Variants in GLIS3 observed in about 807,000 individuals in gnomAD.
The protein encoded by GLIS3 is zinc finger protein GLIS3.
A neutral mutation model predicts 78.6 loss-of-function variants in GLIS3; 53 were observed. The observed-to-expected ratio is 0.67, with a 90% CI of 0.54 to 0.85. The LOEUF (loss-of-function observed/expected upper bound fraction) is 0.85, where lower values mean the gene tolerates loss of function less well. GLIS3 is among the 40% of genes least tolerant of loss of function. The probability of loss-of-function intolerance (pLI) is 0.00; values close to 1 mark genes in which losing one functional copy is unlikely to be tolerated. For synonymous variants in GLIS3, 684 were observed against 509.9 expected, an observed-to-expected ratio of 1.34 and a Z score of -4.60; for missense variants, 1,703 against 1,231.1, an observed-to-expected ratio of 1.38 and a Z score of -5.74.
chr9:4,254,479 G>A (rs1229259633), intron 2 of GLIS3, among the ~76,000 whole-genome samples: 2 of 152,188 alleles, frequency 1.3e-5, no homozygotes, highest in Non-Finnish European at 2.9e-5. Flanking sequence ...TGCCTTTATG[G>A]AAACAGACAA....
intron 1 of GLIS3, chr9:4,298,441 G>T: frequency 2.2e-6 from 1 of 451,960 alleles, no homozygotes; most frequent in South Asian, 1.6e-5. Flanking sequence ...CCAGACACTT[G>T]AGTGACTTCC....
intron 4 of GLIS3, among the ~76,000 whole-genome samples, chr9:4,065,536 A>G (rs1421560316): frequency 1.3e-5 from 2 of 152,210 alleles, no homozygotes; most frequent in African/African-American, 4.8e-5. Context: ...GCCTTAATGT[A>G]TTAAGTAACA....
intron 8 of GLIS3, among the ~76,000 whole-genome samples, chr9:3,870,304 G>A (rs962260574): frequency 6.6e-6 from 1 of 152,040 alleles, no homozygotes; most frequent in African/African-American, 2.4e-5. Flanking sequence ...AAAGAACTTT[G>A]GAAACCATAC....
the GLIS3 span, among the ~76,000 whole-genome samples, chr9:4,366,141 G>C: frequency 1.3e-5 from 2 of 152,280 alleles, no homozygotes; most frequent in East Asian, 3.9e-4. Context: ...AGGATATAAA[G>C]GGAAATGTGG....
chr9:4,217,288 T>C (rs1054988957), intron 2 of GLIS3, among the ~76,000 whole-genome samples: 3 of 152,208 alleles, frequency 2.0e-5, no homozygotes, highest in African/African-American at 4.8e-5. Flanking sequence ...GCTCCATATC[T>C]GGTTGTAAAC....
At chr9:3,978,004 C>CAAA (rs889995684) in intron 4 of GLIS3, among the ~76,000 whole-genome samples, 10 of 152,036 alleles carry the variant, frequency 6.6e-5, no homozygotes, top group African/African-American at 2.4e-4. Flanking sequence ...ACCTGAGAGA[C>CAAA]AAATGGGAGG....
At chr9:4,230,163 C>A (rs1351137295) in intron 2 of GLIS3, among the ~76,000 whole-genome samples, 2 of 152,186 alleles carry the variant, frequency 1.3e-5, no homozygotes, top group Non-Finnish European at 2.9e-5. Context: ...CTGATCTAAA[C>A]ACATATTTTA....
chr9:4,283,685 T>C (rs567184336), intron 2 of GLIS3, among the ~76,000 whole-genome samples: 1 of 152,322 alleles, frequency 6.6e-6, no homozygotes, highest in African/African-American at 2.4e-5. Flanking sequence ...TAATATATGC[T>C]CAATAATTAT....
intron 2 of GLIS3, among the ~76,000 whole-genome samples, chr9:4,227,624 G>T (rs1821888493): frequency 6.6e-6 from 1 of 152,192 alleles, no homozygotes; most frequent in African/African-American, 2.4e-5. Flanking sequence ...AGGAACTCTG[G>T]AATGTATAAA....
intron 4 of GLIS3, among the ~76,000 whole-genome samples, chr9:4,049,401 G>C (rs1825522169): frequency 6.6e-6 from 1 of 152,148 alleles, no homozygotes; most frequent in African/African-American, 2.4e-5. Context: ...GGGCCATCAA[G>C]GACCTTGCTC....
At chr9:4,171,378 T>A (rs1035441503) in intron 2 of GLIS3, among the ~76,000 whole-genome samples, 2 of 152,142 alleles carry the variant, frequency 1.3e-5, no homozygotes, top group Non-Finnish European at 2.9e-5. Flanking sequence ...AGAGATTAGA[T>A]TGAAATTTAA....
chr9:4,347,362 C>A (rs1299447975), intron 1 of GLIS3, among the ~76,000 whole-genome samples: 3 of 152,122 alleles, frequency 2.0e-5, no homozygotes, highest in Non-Finnish European at 4.4e-5. Context: ...TAGGCTCCAC[C>A]TCCAACATAT....
At chr9:4,295,472 T>C (rs907116129) in intron 1 of GLIS3, among the ~76,000 whole-genome samples, 2 of 152,212 alleles carry the variant, frequency 1.3e-5, no homozygotes, top group Non-Finnish European at 1.5e-5. Flanking sequence ...TCCAAATTAT[T>C]TGACCTAATA....
chr9:4,169,583 A>G (rs138729462), intron 2 of GLIS3, among the ~76,000 whole-genome samples: 17 of 152,316 alleles, frequency 1.1e-4, no homozygotes, highest in African/African-American at 3.8e-4. Flanking sequence ...AGGTAACAGT[A>G]TTTATCACTG....
intron 2 of GLIS3, among the ~76,000 whole-genome samples, chr9:4,221,732 AG>A (rs1460956011): frequency 6.6e-6 from 1 of 152,242 alleles, no homozygotes; most frequent in African/African-American, 2.4e-5. Flanking sequence ...CACATTACAA[AG>A]GAGCAGAAAT....
chr9:4,424,993 G>C, the GLIS3 span, among the ~76,000 whole-genome samples: 1 of 152,106 alleles, frequency 6.6e-6, no homozygotes, highest in Non-Finnish European at 1.5e-5. Flanking sequence ...GTCCTTAAAA[G>C]GAAGGGAGCT....
chr9:4,321,604 C>T (rs1332614704), intron 2 of GLIS3, among the ~76,000 whole-genome samples: 2 of 114,052 alleles, frequency 1.8e-5, no homozygotes, highest in East Asian at 3.0e-4. Context: ...ACCCCAGTAT[C>T]GAGAGCATTA....
intron 2 of GLIS3, among the ~76,000 whole-genome samples, chr9:4,215,280 C>A: frequency 6.6e-6 from 1 of 152,004 alleles, no homozygotes; most frequent in Non-Finnish European, 1.5e-5. Context: ...CCGTTATTGG[C>A]CACAGTTTTG....
chr9:4,025,015 G>A (rs950667928), intron 4 of GLIS3, among the ~76,000 whole-genome samples: 12 of 152,054 alleles, frequency 7.9e-5, no homozygotes, highest in East Asian at 1.9e-4. Flanking sequence ...TTGGGAGGCC[G>A]AAGCGGGCAG....
Sources: gnomAD v4.1 joint callset for allele counts (sites outside exome capture counted in the v4.1 genomes callset) on GRCh38, gnomAD v4.1.1 for gene constraint, MANE v1.5 for transcripts, NCBI Gene and HGNC (gene_info 2026-07-23, HGNC 2026-07-21) for gene names.